The following PRUNE2 variants were observed in gnomAD, a reference collection of about 807,000 sequenced individuals.
The protein encoded by PRUNE2 is protein prune homolog 2.
PRUNE2 carries 164 observed loss-of-function variants against 252.0 expected under a neutral mutation model. That is an observed-to-expected ratio of 0.65 (90% CI 0.57 to 0.74). PRUNE2 has a LOEUF of 0.74. Among genes scored for constraint, PRUNE2 ranks in the 30% least tolerant of loss-of-function variants. The pLI is 0.00. For synonymous variants in PRUNE2, 1,292 were observed against 1,350.2 expected (o/e 0.96, Z 0.94); for missense variants, 3,495 against 3,711.0 (o/e 0.94, Z 1.51).
In PRUNE2 at chr9:76,624,452, T is replaced by A; in HGVS notation, c.9188A>T (p.Lys3063Ile). ...CCGCTAAACGAAAACCAAGTCTTAC[T>A]TAGCTGCCTCTGATGCTTCCCTCAG... Reference protein sequence around the residue: ...EELREASEAAKTSCLYNDPEM... With the variant: ...EELREASEAAITSCLYNDPEM... Residue 3063 changes from lysine to isoleucine, a missense_variant and splice_region_variant, in exon 17 of 19, where the codon AAA (lysine) becomes ATA (isoleucine). Physicochemically the swap from Lys to Ile is moderately radical, Grantham distance 102. Coordinates refer to ENST00000376718, the MANE Select transcript of PRUNE2 (RefSeq NM_015225.3). 1 of 1,429,358 alleles carries A rather than the reference T, an allele frequency of 7.0e-7. No homozygotes were observed. Among genetic ancestry groups the A allele is most frequent in the Non-Finnish European group, 9.2e-7 (1 of 1,085,810 alleles). 88.5% of individuals were successfully genotyped at this position (1,429,358 alleles called of 1,614,324 possible).
At chr9:76,745,266 C>A (rs1215759335) in intron 6 of PRUNE2, among the ~76,000 whole-genome samples, 1 of 152,182 alleles carries the variant, frequency 6.6e-6, no homozygotes, top group Non-Finnish European at 1.5e-5. Flanking sequence ...TAAAATTCAG[C>A]TGCCGTTGTA....
rs1021298645 is a variant in PRUNE2 at position 76,737,083 on chromosome 9, C to A, written c.757-23362G>T. On this transcript the variant is annotated intron_variant, in intron 6 of 18. Coordinates refer to ENST00000376718, the MANE Select transcript of PRUNE2 (RefSeq NM_015225.3). Reference sequence around the variant, plus strand: ...TGCTGTCATCAACAGCAGCCAAGTTCTTTTCGTGTGTAGCTGTATTCCTTC... The same window carrying A: ...TGCTGTCATCAACAGCAGCCAAGTTATTTTCGTGTGTAGCTGTATTCCTTC... The A allele has an allele frequency of 5.3e-5, 8 of 152,322 alleles. No individual in the cohort carries two copies. The South Asian group carries it at 6.2e-4, about 12-fold the overall frequency. 9.4% of individuals were successfully genotyped at this position (152,322 alleles called of 1,614,324 possible).
chr9:76,654,698 A>G (rs555924943), intron 10 of PRUNE2, among the ~76,000 whole-genome samples: 1 of 152,366 alleles, frequency 6.6e-6, no homozygotes, highest in South Asian at 2.1e-4. Context: ...TCAAATAAAC[A>G]TACTGTGGTT....
chr9:76,839,899 G>A (rs1564413957), intron 4 of PRUNE2, among the ~76,000 whole-genome samples: 1 of 152,168 alleles, frequency 6.6e-6, no homozygotes, highest in Non-Finnish European at 1.5e-5. Context: ...CCTAGATGAT[G>A]GCTTTTAAGC....
intron 6 of PRUNE2, among the ~76,000 whole-genome samples, chr9:76,794,480 T>C (rs546385792): frequency 9.9e-5 from 15 of 151,938 alleles, no homozygotes; most frequent in African/African-American, 3.1e-4. Context: ...CTGGGCGTAG[T>C]GGCCGGCGCC....
chr9:76,883,842 C>G (rs1564502387), intron 1 of PRUNE2, among the ~76,000 whole-genome samples: 4 of 152,208 alleles, frequency 2.6e-5, no homozygotes. Context: ...CTTTCTCCAT[C>G]CCTTGAATCT....
chr9:76,835,293 A>T (rs2132191451), intron 4 of PRUNE2, among the ~76,000 whole-genome samples: 1 of 152,282 alleles, frequency 6.6e-6, no homozygotes, highest in South Asian at 2.1e-4. Flanking sequence ...GAAGGGTCTT[A>T]AATCTTTTTT....
rs546188803 is a variant in PRUNE2 at position 76,638,247 on chromosome 9, C to T, written c.8770G>A (p.Ala2924Thr). 18 of 1,613,730 alleles carry T rather than the reference C, an allele frequency of 1.1e-5. No individual in the cohort carries two copies. Among genetic ancestry groups the T allele is most frequent in the East Asian group, 2.2e-5 (1 of 44,856 alleles). Residue 2924 changes from alanine (A) to threonine (T), a missense_variant, in exon 13 of 19, where the codon GCC becomes ACC. Ala to Thr is a moderately conservative substitution (Grantham distance 58). Coordinates refer to ENST00000376718, the MANE Select transcript of PRUNE2 (RefSeq NM_015225.3). ...CGACTGCTGTCTGGCAGAAAACAGG[C>T]GGCAAACACAATGATGGCATTTAGA... ...DGLNAIIVFA[A>T]CFLPDSSRAD...
At chr9:76,728,103 T>C (rs1011257490) in intron 6 of PRUNE2, among the ~76,000 whole-genome samples, 4 of 152,138 alleles carry the variant, frequency 2.6e-5, no homozygotes, top group African/African-American at 9.7e-5. Context: ...TAACCTAAAA[T>C]ATGGCAGATA....
chr9:76,649,083 A>C (rs1346584892), intron 11 of PRUNE2, among the ~76,000 whole-genome samples: 2 of 152,138 alleles, frequency 1.3e-5, no homozygotes, highest in Non-Finnish European at 2.9e-5. Flanking sequence ...GTACAGGAAA[A>C]CTCTGTACTC....
chr9:76,703,395 C>T lies in PRUNE2; in HGVS notation c.8218G>A (p.Glu2740Lys), dbSNP rs1410849572. Residue 2740 changes from glutamate (E) to lysine (K), a missense_variant, in exon 9 of 19, where the codon GAA (glutamate) becomes AAA (lysine). Coordinates refer to ENST00000376718, the MANE Select transcript of PRUNE2 (RefSeq NM_015225.3). ...AGGAACTCTGTCTCCTCCTCCATTT[C>T]CGTGTCAGGGATCATGTTTTTCTGA... ...PVQKNMIPDT[E>K]MEEETEFLEL... The T allele has an allele frequency of 2.5e-6, 4 of 1,612,624 alleles. No homozygotes were observed. Among genetic ancestry groups the T allele is most frequent in the Non-Finnish European group, 8.5e-7 (1 of 1,179,230 alleles).
At chr9:76,729,808 T>C (rs1203317780) in intron 6 of PRUNE2, among the ~76,000 whole-genome samples, 1 of 152,186 alleles carries the variant, frequency 6.6e-6, no homozygotes, top group African/African-American at 2.4e-5. Context: ...GCTTTCCAAC[T>C]TCTTTGTTGC....
At chr9:76,875,071 A>T (rs932214456) in intron 1 of PRUNE2, among the ~76,000 whole-genome samples, 7 of 152,090 alleles carry the variant, frequency 4.6e-5, no homozygotes, top group African/African-American at 1.7e-4. Context: ...AACCATACAG[A>T]CAGCACCTGT....
chr9:76,634,321 TAC>T (rs1387966664), intron 15 of PRUNE2, among the ~76,000 whole-genome samples: 7 of 152,222 alleles, frequency 4.6e-5, no homozygotes, highest in Admixed American at 4.6e-4. Context: ...TTAATAGCCT[TAC>T]AGTAACAAAT....
chr9:76,878,803 CTTATT>C (rs2061601138), intron 1 of PRUNE2, among the ~76,000 whole-genome samples: 1 of 152,316 alleles, frequency 6.6e-6, no homozygotes, highest in Non-Finnish European at 1.5e-5. Context: ...AGGAATTACT[CTTATT>C]TTAAAGTGTA....
chr9:76,864,332 T>C (rs189245756), intron 1 of PRUNE2, among the ~76,000 whole-genome samples: 20 of 152,226 alleles, frequency 1.3e-4, no homozygotes, highest in Non-Finnish European at 2.2e-4. Flanking sequence ...GCTGAAAAAC[T>C]ACCTATTGGG....
intron 6 of PRUNE2, among the ~76,000 whole-genome samples, chr9:76,810,488 T>A (rs1359380683): frequency 6.6e-6 from 1 of 152,152 alleles, no homozygotes; most frequent in Non-Finnish European, 1.5e-5. Flanking sequence ...AAGACAATAA[T>A]AAACAACCAA....
intron 1 of PRUNE2, among the ~76,000 whole-genome samples, chr9:76,859,912 G>A (rs1352894299): frequency 2.0e-5 from 3 of 152,108 alleles, no homozygotes; most frequent in African/African-American, 7.2e-5. Flanking sequence ...TGTTGGCCAG[G>A]CTGGTCTCAA....
chr9:76,649,293 CAA>C (rs545164518), intron 11 of PRUNE2, among the ~76,000 whole-genome samples: 75 of 152,266 alleles, frequency 4.9e-4, no homozygotes, highest in African/African-American at 1.7e-3. Flanking sequence ...GTTTATTTTT[CAA>C]AGAGTATGAT....
Sources: gnomAD v4.1 joint callset for allele counts (sites outside exome capture counted in the v4.1 genomes callset) on GRCh38, gnomAD v4.1.1 for gene constraint, MANE v1.5 for transcripts, NCBI Gene and HGNC (gene_info 2026-07-23, HGNC 2026-07-21) for gene names.